RIC1: variants seen among roughly 807,000 people sequenced by gnomAD.
The protein encoded by RIC1 is RIC1 partner of RAB6A GEF complex, also known as guanine nucleotide exchange factor subunit RIC1.
Under a neutral mutation model 169.0 loss-of-function variants are expected in RIC1, and 88 were observed. The ratio of observed to expected loss-of-function variants is 0.52; its 90% CI spans 0.44 to 0.62. RIC1 has a LOEUF of 0.62. RIC1 is among the 20% of genes least tolerant of loss of function. The probability of loss-of-function intolerance (pLI) is 0.00; values close to 1 mark genes in which losing one functional copy is unlikely to be tolerated. For synonymous variants in RIC1, 790 were observed against 601.5 expected (o/e 1.31, Z -4.59); for missense variants, 1,877 against 1,725.5 (o/e 1.09, Z -1.56).
chr9:5,751,586 C>G (rs987798428), intron 12 of RIC1, among the ~76,000 whole-genome samples: 1 of 150,538 alleles, frequency 6.6e-6, no homozygotes, highest in Non-Finnish European at 1.5e-5. Flanking sequence ...AACTCCTGAC[C>G]TCAGGCAATC....
chr9:5,734,835 C>T (rs1824602618), intron 7 of RIC1, among the ~76,000 whole-genome samples: 1 of 152,124 alleles, frequency 6.6e-6, no homozygotes, highest in Non-Finnish European at 1.5e-5. Context: ...CTGAATATAG[C>T]ATAATTTATC....
At chr9:5,766,139 T>G (rs1043335804) in intron 21 of RIC1, among the ~76,000 whole-genome samples, 1 of 152,134 alleles carries the variant, frequency 6.6e-6, no homozygotes, top group African/African-American at 2.4e-5. Flanking sequence ...CCTTACAGGT[T>G]CAAGCGATTA....
chr9:5,663,997 T>C (rs1819607483), intron 2 of RIC1, among the ~76,000 whole-genome samples: 1 of 152,218 alleles, frequency 6.6e-6, no homozygotes, highest in Non-Finnish European at 1.5e-5. Context: ...AAAGCAGGTC[T>C]GATGGTTACG....
intron 3 of RIC1, among the ~76,000 whole-genome samples, chr9:5,695,937 A>C (rs12550989): frequency 0.32 from 49,075 of 151,898 alleles, 9,070 homozygotes; most frequent in East Asian, 0.62. Flanking sequence ...CAAGCCAAAC[A>C]TGCTATTGCT....
intron 3 of RIC1, among the ~76,000 whole-genome samples, chr9:5,699,374 G>C (rs972807539): frequency 4.6e-5 from 7 of 152,336 alleles, no homozygotes; most frequent in Non-Finnish European, 1.0e-4. Context: ...GTGGGCTTCA[G>C]CTTTGGCCCC....
chr9:5,643,881 A>AT (rs909276800), intron 1 of RIC1, among the ~76,000 whole-genome samples: 4 of 152,214 alleles, frequency 2.6e-5, no homozygotes, highest in Non-Finnish European at 5.9e-5. Context: ...TTTCTTACTC[A>AT]TGAGCAGGCA....
chr9:5,747,889 C>T (rs1029334401), intron 12 of RIC1, among the ~76,000 whole-genome samples: 2 of 152,160 alleles, frequency 1.3e-5, no homozygotes, highest in African/African-American at 4.8e-5. Context: ...GTACTCTGTA[C>T]AGCTGACCTT....
chr9:5,678,841 T>C (rs866411917), intron 2 of RIC1, among the ~76,000 whole-genome samples: 1,814 of 152,290 alleles, frequency 0.012, 42 homozygotes, highest in African/African-American at 0.041. Flanking sequence ...AGAAGCTCTT[T>C]AGTTGAATTA....
chr9:5,727,642 T>A (rs924258935), intron 6 of RIC1, among the ~76,000 whole-genome samples: 5 of 152,242 alleles, frequency 3.3e-5, no homozygotes, highest in Non-Finnish European at 7.3e-5. Flanking sequence ...GAATTTTAGC[T>A]TTTCTGCTCT....
intron 12 of RIC1, among the ~76,000 whole-genome samples, chr9:5,749,301 T>C: frequency 6.6e-6 from 1 of 152,232 alleles, no homozygotes; most frequent in East Asian, 1.9e-4. Flanking sequence ...TTGCCCTGTA[T>C]TTCGCTGGCA....
At chr9:5,631,948 T>C (rs577482978) in intron 1 of RIC1, among the ~76,000 whole-genome samples, 1 of 152,348 alleles carries the variant, frequency 6.6e-6, no homozygotes, top group South Asian at 2.1e-4. Flanking sequence ...CTATCAGTTA[T>C]ACTTCCATAA....
rs370883893 is a variant in RIC1, at chr9:5,694,317, AAT to A, written c.332+4282_332+4283del. Among the ~76,000 whole-genome samples the A allele has an allele frequency of 8.4e-3, 1,275 of 152,294 alleles. 16 individuals are homozygous for A. The highest frequency in any genetic ancestry group is 0.029 in the African/African-American group (1,225 of 41,566). On this transcript the variant is annotated intron_variant, in intron 3 of 25. Transcript: ENST00000414202. ...CCCTCAATATATGTTTCTTTTTGCTAATATGTTGTGAGTGTTCTTTTTCTAGA... is the reference window on the plus strand; with the variant it reads ...CCCTCAATATATGTTTCTTTTTGCTAATGTTGTGAGTGTTCTTTTTCTAGA...
In RIC1 at chr9:5,756,308, A is replaced by T; in HGVS notation, c.1789A>T (p.Met597Leu). The T allele has an allele frequency of 6.3e-7, 1 of 1,598,564 alleles. No individual in the cohort carries two copies. The highest frequency in any genetic ancestry group is 8.5e-7 in the Non-Finnish European group (1 of 1,170,608). ...ATTACTGCTTAGTGTCTTCCAGGAC[A>T]TGGTAATAGTATTTAGAGCAGACTG... ...ETLLLSVFQD[M>L]VIVFRADCSI... Residue 597 changes from methionine to leucine, a missense_variant, in exon 16 of 26, where the codon ATG becomes TTG. Physicochemically the swap from Met to Leu is conservative, Grantham distance 15 (BLOSUM62 2). Around this residue, in one of 3 missense-constraint regions of RIC1, gnomAD observed 1,104 missense variants for 992.0 expected, o/e 1.11. Transcript: ENST00000414202.
intron 19 of RIC1, among the ~76,000 whole-genome samples, chr9:5,764,759 T>A (rs1826585439): frequency 6.6e-6 from 1 of 152,234 alleles, no homozygotes; most frequent in Non-Finnish European, 1.5e-5. Context: ...GTTTTTTGGT[T>A]CCGGGTCACT....
intron 16 of RIC1, among the ~76,000 whole-genome samples, chr9:5,757,044 C>T (rs1036863469): frequency 6.6e-6 from 1 of 152,152 alleles, no homozygotes; most frequent in Non-Finnish European, 1.5e-5. Flanking sequence ...GTTTTTTCCA[C>T]TTAAATATTT....
chr9:5,689,593 A>G (rs1821475344), intron 2 of RIC1, among the ~76,000 whole-genome samples: 1 of 152,220 alleles, frequency 6.6e-6, no homozygotes, highest in Middle Eastern at 3.2e-3. Flanking sequence ...ATAAAGTGGC[A>G]TTGTTGCTTT....
chr9:5,662,289 C>CT (rs971195600), intron 2 of RIC1, among the ~76,000 whole-genome samples: 4 of 151,012 alleles, frequency 2.6e-5, no homozygotes, highest in South Asian at 2.1e-4. Flanking sequence ...CTGAGGTTTT[C>CT]TTTTTTTTTG....
At chr9:5,635,538 ATG>A (rs1817931913) in intron 1 of RIC1, among the ~76,000 whole-genome samples, 1 of 152,126 alleles carries the variant, frequency 6.6e-6, no homozygotes, top group Non-Finnish European at 1.5e-5. Context: ...GCATTGGTCT[ATG>A]TATCTCTTTT....
chr9:5,650,123 G>A (rs144800615), intron 1 of RIC1, among the ~76,000 whole-genome samples: 97 of 152,268 alleles, frequency 6.4e-4, no homozygotes, highest in Middle Eastern at 3.4e-3. Flanking sequence ...CAGGCATGGT[G>A]TTAGCAGGTT....
Sources: allele counts gnomAD v4.1 joint callset (sites outside exome capture counted in the v4.1 genomes callset), GRCh38; gene constraint gnomAD v4.1.1; regional missense constraint gnomAD v4.1.1; transcripts MANE v1.5; gene names NCBI Gene and HGNC (gene_info 2026-07-23, HGNC 2026-07-21).